The following PICALM variants were observed in gnomAD, a reference collection of about 807,000 sequenced individuals.
PICALM encodes the protein phosphatidylinositol-binding clathrin assembly protein.
PICALM carries 40 observed loss-of-function variants against 80.5 expected under a neutral mutation model. That is an observed-to-expected ratio of 0.50 (90% CI 0.39 to 0.65). PICALM has a LOEUF of 0.65. Ranked by LOEUF, PICALM falls within the 30% of genes least tolerant of loss-of-function variation. The pLI is 0.00. For missense variants in PICALM, 676 were observed against 778.9 expected (o/e 0.87, Z 1.57); for synonymous variants, 288 against 260.3 (o/e 1.11, Z -1.02).
At chr11:86,006,302 G>A (rs2095275278) in intron 8 of PICALM, among the ~76,000 whole-genome samples, 1 of 152,112 alleles carries the variant, frequency 6.6e-6, no homozygotes, top group South Asian at 2.1e-4. Context: ...GGAAGAATCA[G>A]AACAAGTGAG....
At chr11:86,039,555 C>A (rs1296202130) in intron 1 of PICALM, among the ~76,000 whole-genome samples, 2 of 152,134 alleles carry the variant, frequency 1.3e-5, no homozygotes, top group Non-Finnish European at 2.9e-5. Flanking sequence ...TAAGTCTTCA[C>A]AAATCATCTC....
chr11:86,010,412 C>T (rs1014524645), intron 7 of PICALM, among the ~76,000 whole-genome samples: 3 of 151,868 alleles, frequency 2.0e-5, no homozygotes, highest in Non-Finnish European at 2.9e-5. Context: ...CTGCAACCTC[C>T]GCCTCCTGGG....
intron 19 of PICALM, 191 bp downstream of exon 19, chr11:85,974,517 T>C (rs1481141071): frequency 1.4e-6 from 1 of 703,800 alleles, no homozygotes. Flanking sequence ...ATTTGCTATC[T>C]ACTTATCCTT....
chr11:85,992,845 C>T (rs35465551), intron 12 of PICALM, among the ~76,000 whole-genome samples: 1,997 of 152,248 alleles, frequency 0.013, 21 homozygotes, highest in Non-Finnish European at 0.022. Flanking sequence ...CTTCCTATTA[C>T]GTGAAACACC....
intron 13 of PICALM, among the ~76,000 whole-genome samples, chr11:85,984,912 T>G (rs1381901071): frequency 6.6e-6 from 1 of 152,160 alleles, no homozygotes; most frequent in Admixed American, 6.5e-5. Flanking sequence ...TGGAGAACTT[T>G]CAATCATTGA....
At chr11:85,965,811 T>G (rs1592310432) in intron 19 of PICALM, among the ~76,000 whole-genome samples, 1 of 52,960 alleles carries the variant, frequency 1.9e-5, no homozygotes, top group South Asian at 5.1e-4. Flanking sequence ...CATTTTGTTT[T>G]TTTGTTTTTT....
intron 19 of PICALM, among the ~76,000 whole-genome samples, chr11:85,967,557 A>C (rs982005104): frequency 2.6e-5 from 4 of 152,220 alleles, no homozygotes; most frequent in Admixed American, 1.3e-4. Context: ...ATCCCCAAGG[A>C]AACGTCCCTC....
At chr11:85,976,881 TAGA>T in intron 17 of PICALM, 199 bp from the exon 18 acceptor site, 1 of 487,492 alleles carries the variant, frequency 2.1e-6, no homozygotes, top group Middle Eastern at 4.5e-4. Flanking sequence ...GCAGACTTAT[TAGA>T]AGGATAACTA....
intron 1 of PICALM, among the ~76,000 whole-genome samples, chr11:86,067,675 AT>A (rs1388334986): frequency 6.6e-6 from 1 of 152,194 alleles, no homozygotes; most frequent in Non-Finnish European, 1.5e-5. Flanking sequence ...GATGTATGTT[AT>A]TTGTAAGTAA....
intron 1 of PICALM, 32 bp downstream of exon 1, chr11:86,068,619 G>A (rs768310060): frequency 6.3e-7 from 1 of 1,593,096 alleles, no homozygotes; most frequent in African/African-American, 1.4e-5. Context: ...CGCGGGCGCC[G>A]GGGAGCGGGG....
At chr11:86,061,561 C>T (rs568789533) in intron 1 of PICALM, among the ~76,000 whole-genome samples, 2 of 152,144 alleles carry the variant, frequency 1.3e-5, no homozygotes, top group East Asian at 1.9e-4. Context: ...AATACCACTA[C>T]ACACCTATTA....
At chr11:86,031,645 T>C in intron 1 of PICALM, 34 bp from the exon 2 acceptor site, 1 of 1,523,738 alleles carries the variant, frequency 6.6e-7, no homozygotes, top group South Asian at 1.2e-5. Flanking sequence ...ATTAATTTCC[T>C]CTGTGGTTTT....
chr11:86,068,428 G>A (rs1278953873), intron 1 of PICALM, among the ~76,000 whole-genome samples: 2 of 152,104 alleles, frequency 1.3e-5, no homozygotes, highest in Non-Finnish European at 2.9e-5. Flanking sequence ...CTAGGAATAG[G>A]GAGGGGAGTG....
intron 13 of PICALM, among the ~76,000 whole-genome samples, chr11:85,989,048 A>C (rs1243218990): frequency 1.3e-5 from 2 of 152,192 alleles, no homozygotes; most frequent in Admixed American, 6.5e-5. Context: ...TTAAAGCTTC[A>C]ATGAGGACAA....
chr11:85,964,275 T>C (rs1460612065), intron 19 of PICALM, among the ~76,000 whole-genome samples: 1 of 152,190 alleles, frequency 6.6e-6, no homozygotes, highest in Non-Finnish European at 1.5e-5. Context: ...ATCTTTACAT[T>C]TGAATTTTTC....
At chr11:86,045,139 A>G (rs1238734337) in intron 1 of PICALM, among the ~76,000 whole-genome samples, 1 of 152,234 alleles carries the variant, frequency 6.6e-6, no homozygotes, top group Non-Finnish European at 1.5e-5. Context: ...ATTTTAATAC[A>G]TTATTAATAT....
intron 19 of PICALM, among the ~76,000 whole-genome samples, chr11:85,967,153 G>A (rs772891414): frequency 2.0e-5 from 3 of 152,020 alleles, no homozygotes; most frequent in Non-Finnish European, 2.9e-5. Context: ...TAGAATTTAC[G>A]GCTATATTGA....
At chr11:86,045,824 T>A (rs954950074) in intron 1 of PICALM, among the ~76,000 whole-genome samples, 1 of 152,192 alleles carries the variant, frequency 6.6e-6, no homozygotes, top group African/African-American at 2.4e-5. Flanking sequence ...GGAAATTTAA[T>A]CATCTTTCTC....
chr11:86,030,941 C>T (rs2095740668), intron 2 of PICALM, among the ~76,000 whole-genome samples: 1 of 152,066 alleles, frequency 6.6e-6, no homozygotes, highest in South Asian at 2.1e-4. Context: ...GATGGAAAGA[C>T]CCCCATCTCT....
Sources: gnomAD v4.1 joint callset for allele counts (sites outside exome capture counted in the v4.1 genomes callset) on GRCh38, gnomAD v4.1.1 for gene constraint, MANE v1.5 for transcripts, NCBI Gene and HGNC (gene_info 2026-07-23, HGNC 2026-07-21) for gene names.